The following PCDHGA5 variants were observed in gnomAD, a reference collection of about 807,000 sequenced individuals.
PCDHGA5 encodes protocadherin gamma-A5.
Under a neutral mutation model 56.7 loss-of-function variants are expected in PCDHGA5, and 36 were observed. That is an observed-to-expected ratio of 0.64 (90% CI 0.49 to 0.84). The LOEUF is 0.84. Among genes scored for constraint, PCDHGA5 ranks in the 40% least tolerant of loss-of-function variants. The pLI is 0.00. For synonymous variants in PCDHGA5, 563 were observed against 520.2 expected (o/e 1.08, Z -1.12); for missense variants, 1,305 against 1,201.5 (o/e 1.09, Z -1.27).
chr5:141,372,613 TC>T, intron 1 of PCDHGA5: 1 of 1,614,018 alleles, frequency 6.2e-7, no homozygotes, highest in Non-Finnish European at 8.5e-7. Context: ...CCTGGAGTTC[TC>T]CCCACCTACA....
chr5:141,365,679 C>T lies in PCDHGA5; in HGVS notation c.1349C>T (p.Pro450Leu), dbSNP rs1056119767. The T allele has an allele frequency of 1.2e-5, 19 of 1,613,416 alleles. No individual in the cohort carries two copies. The highest frequency in any genetic ancestry group is 1.4e-5 in the Non-Finnish European group (17 of 1,179,808). Residue 450 changes from proline to leucine, a missense_variant, in exon 1 of 4, where the codon CCC becomes CTC. Transcript: ENST00000518069. ...LKVADVNDNP[P>L]NFPQASYSTS... ...GTAGCAGACGTTAATGACAACCCAC[C>T]CAATTTCCCTCAAGCCTCCTACTCC...
Position 141,376,230 on chromosome 5 carries a change from T to C in PCDHGA5, c.2421+9479T>C, listed in dbSNP as rs567339650. The C allele has an allele frequency of 4.3e-6, 7 of 1,614,210 alleles. No homozygotes were observed. The East Asian group carries it at 6.7e-5, about 15-fold the overall frequency. ...GTCATCGTGCTGCTGGCGCTCAGACTGCAGCGCTGGCACAAGTCACGCCTG... is the reference window on the plus strand; with the variant it reads ...GTCATCGTGCTGCTGGCGCTCAGACCGCAGCGCTGGCACAAGTCACGCCTG... On this transcript the variant is annotated intron_variant, in intron 1 of 3. Coordinates refer to ENST00000518069, the MANE Select transcript of PCDHGA5 (RefSeq NM_018918.3).
chr5:141,384,283 G>A (rs762515266), intron 1 of PCDHGA5: 1 of 1,613,762 alleles, frequency 6.2e-7, no homozygotes. Context: ...AGTCTACATC[G>A]CTGAGAACAA....
intron 1 of PCDHGA5, chr5:141,398,010 G>T (rs10045443): frequency 0.24 from 331,899 of 1,407,782 alleles, 42,930 homozygotes; most frequent in African/African-American, 0.51. Flanking sequence ...AAAAAGAATC[G>T]TTTCCTAAAC....
chr5:141,422,678 A>G, intron 1 of PCDHGA5: 1 of 1,606,250 alleles, frequency 6.2e-7, no homozygotes, highest in Non-Finnish European at 8.5e-7. Flanking sequence ...GACAGCAAAC[A>G]GAATGCCCTG....
chr5:141,394,208 C>A (rs972602841), intron 1 of PCDHGA5: 6 of 1,613,930 alleles, frequency 3.7e-6, no homozygotes, highest in Non-Finnish European at 5.1e-6. Context: ...TAGAGAACAA[C>A]CTGAGAGGAG....
chr5:141,498,509 C>T (rs2099784058), intron 2 of PCDHGA5, among the ~76,000 whole-genome samples: 1 of 151,740 alleles, frequency 6.6e-6, no homozygotes, highest in East Asian at 1.9e-4. Flanking sequence ...TCCCTCCCCA[C>T]CATCTTGCCC....
chr5:141,454,657 CG>C (rs1313292109), intron 1 of PCDHGA5, among the ~76,000 whole-genome samples: 1 of 152,074 alleles, frequency 6.6e-6, no homozygotes, highest in Admixed American at 6.6e-5. Flanking sequence ...CTGCCCACCT[CG>C]GCCTCCCAAA....
intron 1 of PCDHGA5, among the ~76,000 whole-genome samples, chr5:141,449,560 GC>G (rs1487612909): frequency 6.9e-6 from 1 of 145,056 alleles, no homozygotes; most frequent in Non-Finnish European, 1.5e-5. Flanking sequence ...CTGCACTCCA[GC>G]CTGGGCGACA....
At chr5:141,403,178 T>G in intron 1 of PCDHGA5, 3 of 1,613,980 alleles carry the variant, frequency 1.9e-6, no homozygotes, top group Non-Finnish European at 2.5e-6. Context: ...GCAGCTTTTC[T>G]CTCTGAACCC....
chr5:141,511,118 C>T lies in PCDHGA5; in HGVS notation c.2741C>T (p.Ala914Val), dbSNP rs1352222210. 1.2e-6 allele frequency: 2 copies of T among 1,614,094 alleles called. No individual in the cohort carries two copies. The highest frequency in any genetic ancestry group is 1.7e-6 in the Non-Finnish European group (2 of 1,180,022). The change falls in exon 4 of 4, where the codon GCC (alanine) becomes GTC (valine). Residue 914 changes from alanine to valine, a missense_variant. Coordinates refer to ENST00000518069, the MANE Select transcript of PCDHGA5 (RefSeq NM_018918.3). ...GCAGCTGGCAAGCGGGATGGCAAGG[C>T]CCCAGCAGGTGGCAATGGCAACAAG... is the stretch of plus-strand genomic sequence containing the variant. ...TNAAGKRDGK[A>V]PAGGNGNKKK... is the part of the protein sequence containing the mutation.
chr5:141,493,560 C>T lies in PCDHGA5; in HGVS notation c.2422-1247C>T, dbSNP rs1222578153. ...TTATCCTTTTGGAGATTGAGTTCCCCCAGCTCCGTTTCCTCCTATCACAAT... is the reference window on the plus strand; with the variant it reads ...TTATCCTTTTGGAGATTGAGTTCCCTCAGCTCCGTTTCCTCCTATCACAAT... On this transcript the variant is annotated intron_variant, in intron 1 of 3. Transcript: ENST00000518069. The surrounding 1 kb of genome is among the most constrained non-coding windows in gnomAD (Gnocchi z 4.3). Among the ~76,000 whole-genome samples, 4 of 152,162 alleles carry T rather than the reference C, an allele frequency of 2.6e-5. No individual in the cohort carries two copies. The highest frequency in any genetic ancestry group is 2.1e-4 in the South Asian group (1 of 4,830).
chr5:141,365,321 G>A lies in PCDHGA5; in HGVS notation c.991G>A (p.Ala331Thr), dbSNP rs552296703. The change falls in exon 1 of 4, where the codon GCT (alanine) becomes ACT (threonine). Residue 331 changes from alanine (A) to threonine (T), a missense_variant. By Grantham distance (58) the Ala-to-Thr change is moderately conservative. Coordinates refer to ENST00000518069, the MANE Select transcript of PCDHGA5 (RefSeq NM_018918.3). ...AQDGGALVASAKVVVTVQDVN... is the reference protein window; with the variant it reads ...AQDGGALVASTKVVVTVQDVN... ...GGATGGAGGCGCTCTTGTTGCCAGC[G>A]CTAAGGTGGTGGTCACAGTACAGGA... 3.1e-6 allele frequency: 5 copies of A among 1,613,828 alleles called. No homozygotes were observed. In the South Asian group the frequency reaches 4.4e-5, roughly 14 times the overall value.
intron 3 of PCDHGA5, among the ~76,000 whole-genome samples, chr5:141,510,531 T>C (rs1459536719): frequency 6.6e-6 from 1 of 152,078 alleles, no homozygotes; most frequent in Non-Finnish European, 1.5e-5. Context: ...CTGAGAGAAA[T>C]ACCAGCGAAT....
Position 141,477,148 on chromosome 5 carries a change from T to A in PCDHGA5, c.2422-17659T>A. 1 of 1,614,172 alleles carries A rather than the reference T, an allele frequency of 6.2e-7. No individual in the cohort carries two copies. Among genetic ancestry groups the A allele is most frequent in the African/African-American group, 1.3e-5 (1 of 75,050 alleles). On this transcript the variant is annotated intron_variant, in intron 1 of 3. Transcript: ENST00000518069. This position sits in a 1 kb window ranked among gnomAD's most constrained non-coding sequence, Gnocchi z 4.9. ...GCAAAGTGTTGGTGGAGGTTGTGGA[T>A]GTGAATGACAACGCCCCGGAGATCA...
chr5:141,394,912 T>C (rs1205097386), intron 1 of PCDHGA5: 11 of 1,613,694 alleles, frequency 6.8e-6, no homozygotes, highest in Non-Finnish European at 9.3e-6. Context: ...GTGGCTGCCA[T>C]CTCCTGTGTC....
chr5:141,366,544 G>A lies in PCDHGA5; in HGVS notation c.2214G>A (p.Ser738=), dbSNP rs368873957. 4 of 1,614,230 alleles carry A rather than the reference G, an allele frequency of 2.5e-6. No homozygotes were observed. Among genetic ancestry groups the A allele is most frequent in the Admixed American group, 1.7e-5 (1 of 60,034 alleles). ...EGSRLAGVPA[S]HFVGVDGVRA... ...GCAGGTTGGCGGGTGTGCCCGCCTC[G>A]CACTTTGTGGGCGTGGATGGGGTTC... The change falls in exon 1 of 4, where the codon TCG becomes TCA. Residue 738 remains serine, a synonymous_variant. Coordinates refer to ENST00000518069, the MANE Select transcript of PCDHGA5 (RefSeq NM_018918.3).
In PCDHGA5 at chr5:141,476,836, T is replaced by C. The variant is rs772607917; in HGVS notation, c.2422-17971T>C. On this transcript the variant is annotated intron_variant, in intron 1 of 3. Coordinates refer to ENST00000518069, the MANE Select transcript of PCDHGA5 (RefSeq NM_018918.3). The surrounding 1 kb of genome is among the most constrained non-coding windows in gnomAD (Gnocchi z 7.6). ...TCAAGGTGCTGGACGCGAATGACAATGCGCCTGTCTTCAACCAGTCCTTGT... is the reference window on the plus strand; with the variant it reads ...TCAAGGTGCTGGACGCGAATGACAACGCGCCTGTCTTCAACCAGTCCTTGT... 1.9e-6 allele frequency: 3 copies of C among 1,613,652 alleles called. 1 individual carries two copies. The highest frequency in any genetic ancestry group is 2.2e-5 in the East Asian group (1 of 44,852).
chr5:141,478,826 G>A, intron 1 of PCDHGA5: 2 of 1,439,244 alleles, frequency 1.4e-6, no homozygotes, highest in Non-Finnish European at 1.8e-6. Context: ...AACCAATCTT[G>A]CTAAGGGATG....
Sources: allele counts gnomAD v4.1 joint callset (sites outside exome capture counted in the v4.1 genomes callset), GRCh38; gene constraint gnomAD v4.1.1; non-coding constraint Gnocchi (gnomAD v3.1); transcripts MANE v1.5; gene names NCBI Gene and HGNC (gene_info 2026-07-23, HGNC 2026-07-21).